Variants in RCAN3 observed in about 807,000 individuals in gnomAD.
The protein encoded by RCAN3 is calcipressin-3.
In RCAN3, 19 loss-of-function variants were observed where a neutral mutation model predicts 21.9. The observed-to-expected ratio is 0.87, with a 90% CI of 0.61 to 1.27. The LOEUF (loss-of-function observed/expected upper bound fraction) is 1.27. Ranked by LOEUF, RCAN3 falls within the 50% of genes most tolerant of loss-of-function variation. The pLI, the probability that RCAN3 is intolerant of heterozygous loss-of-function variation, is 0.00. For synonymous variants in RCAN3, 114 were observed against 112.3 expected, an observed-to-expected ratio of 1.01 and a Z score of -0.09; for missense variants, 240 against 300.1, an observed-to-expected ratio of 0.80 and a Z score of 1.48.
Position 24,535,330 on chromosome 1 carries a change from C to T in RCAN3, c.*53C>T. On this transcript the variant is annotated 3_prime_UTR_variant, in exon 5 of 5. Coordinates refer to ENST00000374395, the MANE Select transcript of RCAN3 (RefSeq NM_013441.4). ...GCCCTGGTGGGCTCTGGCCATGGCG[C>T]TCTGTGCCTGCGGCCGATGCGTTGC... The T allele has an allele frequency of 6.7e-7, 1 of 1,486,350 alleles. No homozygotes were observed. The highest frequency in any genetic ancestry group is 1.5e-5 in the South Asian group (1 of 67,212). 92.1% of individuals were successfully genotyped at this position (1,486,350 alleles called of 1,614,324 possible). A position where few individuals can be genotyped will look rare whatever the true frequency, so the allele number is the denominator to read the frequency against.
intron 2 of RCAN3, 46 bp downstream of exon 2, chr1:24,514,613 G>A (rs989169471): frequency 3.8e-6 from 6 of 1,562,896 alleles, no homozygotes; most frequent in Non-Finnish European, 4.4e-6. Context: ...CATGTTAAAT[G>A]TGTATGGATT....
intron 2 of RCAN3, among the ~76,000 whole-genome samples, chr1:24,518,564 T>A (rs1440811328): frequency 6.6e-6 from 1 of 151,652 alleles, no homozygotes; most frequent in Non-Finnish European, 1.5e-5. Context: ...ATTTGCTTGT[T>A]TGCTGTCTTT....
intron 1 of RCAN3, among the ~76,000 whole-genome samples, chr1:24,512,106 T>G (rs960813300): frequency 1.3e-5 from 2 of 151,926 alleles, no homozygotes; most frequent in African/African-American, 4.8e-5. Context: ...AGCTGACACT[T>G]TGGGAGGCCG....
chr1:24,537,667 G>A lies in RCAN3; in HGVS notation c.*2390G>A, dbSNP rs1315785665. On this transcript the variant is annotated 3_prime_UTR_variant, in exon 5 of 5. Coordinates refer to ENST00000374395, the MANE Select transcript of RCAN3 (RefSeq NM_013441.4). ...AATCCCAGCACTTTGGGAGGCCAAG[G>A]TGGGTGGATCCACCTGAGGTCAGGA... 6.6e-6 allele frequency: 1 copy of A among 152,162 alleles called. No individual in the cohort carries two copies. The highest frequency in any genetic ancestry group is 1.5e-5 in the Non-Finnish European group (1 of 68,046). 9.4% of individuals were successfully genotyped at this position (152,162 alleles called of 1,614,324 possible).
In RCAN3 at chr1:24,514,510, T is replaced by C. The variant is rs752964556; in HGVS notation, c.138T>C (p.Pro46=). Residue 46 remains proline, a synonymous_variant, in exon 2 of 5, where the codon CCT becomes CCC. Transcript: ENST00000374395. ...LDEMMDLSDL[P]TSLFACSVHE... is the part of the protein sequence containing the mutation. ...AGATGATGGATTTAAGTGATCTGCC[T>C]ACCTCACTTTTTGCTTGCAGCGTCC... 1.2e-6 allele frequency: 2 copies of C among 1,614,084 alleles called. No homozygotes were observed. Among genetic ancestry groups the C allele is most frequent in the South Asian group, 1.1e-5 (1 of 91,088 alleles).
chr1:24,506,088 A>G (rs1647426510), intron 1 of RCAN3, among the ~76,000 whole-genome samples: 1 of 152,176 alleles, frequency 6.6e-6, no homozygotes, highest in African/African-American at 2.4e-5. Flanking sequence ...GGAAACCTGG[A>G]TTAGCACAGA....
Position 24,536,450 on chromosome 1 carries a change from G to A in RCAN3, c.*1173G>A, listed in dbSNP as rs531704600. The A allele has an allele frequency of 6.6e-6, 1 of 152,306 alleles. No individual in the cohort carries two copies. Among genetic ancestry groups the A allele is most frequent in the Non-Finnish European group, 1.5e-5 (1 of 68,028 alleles). The allele number at this position is 152,306 out of a possible 1,614,324, so 9.4% of individuals were successfully genotyped here. ...TTGTTTCCCACTTAGGTGTCAGAATGTACCTTTGAACTTCCCTAAGAAGCA... is the reference window on the plus strand; with the variant it reads ...TTGTTTCCCACTTAGGTGTCAGAATATACCTTTGAACTTCCCTAAGAAGCA... On this transcript the variant is annotated 3_prime_UTR_variant, in exon 5 of 5. Transcript: ENST00000374395.
chr1:24,508,652 G>A (rs1243572963), intron 1 of RCAN3, among the ~76,000 whole-genome samples: 1 of 152,170 alleles, frequency 6.6e-6, no homozygotes, highest in Admixed American at 6.5e-5. Flanking sequence ...ACAGAGATAG[G>A]CTGAGACCTG....
rs1650406683 is a variant in RCAN3, at chr1:24,539,681, T to A, written c.*4404T>A. 1 of 152,230 alleles carries A rather than the reference T, an allele frequency of 6.6e-6. No individual in the cohort carries two copies. The highest frequency in any genetic ancestry group is 6.5e-5 in the Admixed American group (1 of 15,292). 9.4% of individuals were successfully genotyped at this position (152,230 alleles called of 1,614,324 possible). Reference sequence around the variant, plus strand: ...TACAGACTATTTCACAGACCATAGATTTATTTTAAAAGGGAAAATCTCACA... The same window carrying A: ...TACAGACTATTTCACAGACCATAGAATTATTTTAAAAGGGAAAATCTCACA... On this transcript the variant is annotated 3_prime_UTR_variant, in exon 5 of 5. Transcript: ENST00000374395.
chr1:24,533,275 C>A, intron 4 of RCAN3, 21 bp downstream of exon 4: 1 of 1,444,350 alleles, frequency 6.9e-7, no homozygotes. Context: ...TCTATTTTTC[C>A]TATTTTCTTC....
rs1170987716 is a variant in RCAN3 at position 24,502,897 on chromosome 1, C to T, written c.-313C>T. 2 of 150,264 alleles carry T rather than the reference C, an allele frequency of 1.3e-5. No homozygotes were observed. The highest frequency in any genetic ancestry group is 1.9e-4 in the East Asian group (1 of 5,142). 9.3% of individuals were successfully genotyped at this position (150,264 alleles called of 1,614,324 possible). A position where few individuals can be genotyped will look rare whatever the true frequency, so the allele number is the denominator to read the frequency against. ...CAGCCTAGCTCAGCCGGGACACCGC[C>T]CTAGTCCCAGCCCAGGGGGCCGCTC... On this transcript the variant is annotated 5_prime_UTR_variant, in exon 1 of 5. Coordinates refer to ENST00000374395, the MANE Select transcript of RCAN3 (RefSeq NM_013441.4).
At chr1:24,517,260 A>G (rs1648414322) in intron 2 of RCAN3, among the ~76,000 whole-genome samples, 1 of 151,968 alleles carries the variant, frequency 6.6e-6, no homozygotes, top group Non-Finnish European at 1.5e-5. Flanking sequence ...GATTACAGGC[A>G]CATGCCACAA....
chr1:24,503,410 T>C (rs1337920468), intron 1 of RCAN3, among the ~76,000 whole-genome samples: 1 of 152,088 alleles, frequency 6.6e-6, no homozygotes, highest in African/African-American at 2.4e-5. Context: ...AAAAATGTTT[T>C]GTCTTCTCCA....
At position 24,514,444 on chromosome 1, in the gene RCAN3, AG is replaced by A; in HGVS notation, c.73del (p.Glu25LysfsTer3). ...TGTGTAGCACTGACCAAGAAGAGGA[AG>A]AAGAGATGATTTTTGGTGAAAATGA... ...DLCSTDQEEE[E>X]EMIFGENEDD... On this transcript the variant is annotated frameshift_variant, in exon 2 of 5. Transcript: ENST00000374395. LOFTEE classifies it high-confidence loss of function. The A allele has an allele frequency of 6.2e-7, 1 of 1,614,156 alleles. No individual in the cohort carries two copies. Among genetic ancestry groups the A allele is most frequent in the Non-Finnish European group, 8.5e-7 (1 of 1,180,006 alleles).
chr1:24,527,677 G>C (rs110673), intron 2 of RCAN3, among the ~76,000 whole-genome samples: 70,243 of 151,910 alleles, frequency 0.46, 16,585 homozygotes, highest in East Asian at 0.73. Context: ...TTACATAGGC[G>C]AAGCAAGAAC....
chr1:24,507,971 G>A (rs977863120), intron 1 of RCAN3, among the ~76,000 whole-genome samples: 2 of 152,184 alleles, frequency 1.3e-5, no homozygotes, highest in Non-Finnish European at 2.9e-5. Context: ...CCAGCTACTC[G>A]GGAGGCTGAG....
At chr1:24,511,088 C>A (rs144729428) in intron 1 of RCAN3, among the ~76,000 whole-genome samples, 5,325 of 152,146 alleles carry the variant, frequency 0.035, 322 homozygotes, top group African/African-American at 0.12. Context: ...CCGAGGTGGG[C>A]AGATCACAAG....
At chr1:24,505,385 G>A (rs575558139) in intron 1 of RCAN3, among the ~76,000 whole-genome samples, 9 of 151,788 alleles carry the variant, frequency 5.9e-5, no homozygotes, top group African/African-American at 2.2e-4. Context: ...GACTACAGGC[G>A]TGCACCATGT....
chr1:24,528,113 T>G (rs1649418496), intron 2 of RCAN3, among the ~76,000 whole-genome samples: 1 of 152,026 alleles, frequency 6.6e-6, no homozygotes, highest in Non-Finnish European at 1.5e-5. Flanking sequence ...GGTTTGATTG[T>G]TTTGCCTTTG....
Sources: gnomAD v4.1 joint callset for allele counts (sites outside exome capture counted in the v4.1 genomes callset) on GRCh38, gnomAD v4.1.1 for gene constraint, MANE v1.5 for transcripts, NCBI Gene and HGNC (gene_info 2026-07-23, HGNC 2026-07-21) for gene names.